Variants in SLC23A2 observed in about 807,000 individuals in gnomAD.
SLC23A2 encodes Na(+)/L-ascorbic acid transporter 2.
In SLC23A2, 36 loss-of-function variants were observed where a neutral mutation model predicts 73.3. The observed-to-expected ratio is 0.49, with a 90% CI of 0.38 to 0.65. The LOEUF (loss-of-function observed/expected upper bound fraction) is 0.65, where lower values mean the gene tolerates loss of function less well. SLC23A2 is among the 30% of genes least tolerant of loss of function. The probability of loss-of-function intolerance (pLI) is 0.00; values close to 1 mark genes in which losing one functional copy is unlikely to be tolerated. For missense variants in SLC23A2, 507 were observed against 841.6 expected (o/e 0.60, Z 4.92); for synonymous variants, 343 against 327.3 (o/e 1.05, Z -0.52).
chr20:4,953,038 T>C lies in SLC23A2; in HGVS notation c.-155+17755A>G, dbSNP rs1012548975. 3.4e-5 allele frequency among the ~76,000 whole-genome samples: 5 copies of C among 147,698 alleles called. No homozygotes were observed. In the Admixed American group the frequency reaches 3.4e-4, roughly 10 times the overall value. On this transcript the variant is annotated intron_variant, in intron 2 of 16. Transcript: ENST00000338244. ...ACTCAAAAAAAAAGGCCTGGCGCGG[T>C]GACTCATGCCTGTAATCCCAGCACT...
chr20:4,888,683 T>C (rs1931198246), intron 6 of SLC23A2, among the ~76,000 whole-genome samples: 1 of 152,212 alleles, frequency 6.6e-6, no homozygotes, highest in South Asian at 2.1e-4. Flanking sequence ...AGCTCCTTCA[T>C]ACGAGTTCAT....
intron 1 of SLC23A2, among the ~76,000 whole-genome samples, chr20:4,982,874 G>A (rs969917578): frequency 6.6e-6 from 1 of 152,132 alleles, no homozygotes; most frequent in African/African-American, 2.4e-5. Context: ...GGGAGGCCGA[G>A]GCAGGCAGAT....
At position 4,872,764 on chromosome 20, in the gene SLC23A2, CTT is replaced by C. The variant is rs35350494; in HGVS notation, c.1102+1170_1102+1171del. 6.6e-6 allele frequency among the ~76,000 whole-genome samples: 1 copy of C among 150,432 alleles called. No homozygotes were observed. The highest frequency in any genetic ancestry group is 1.5e-5 in the Non-Finnish European group (1 of 67,474). The stretch of plus-strand genomic sequence containing the variant: ...AGAAAGTTATTTTAGAAAGATGAAA[CTT>C]TTTTTTTTGAGACAGTCTTGCTCTG... On this transcript the variant is annotated intron_variant, in intron 11 of 16. Coordinates refer to ENST00000338244, the MANE Select transcript of SLC23A2 (RefSeq NM_005116.6). This position sits in a 1 kb window ranked among gnomAD's most constrained non-coding sequence, Gnocchi z 4.4.
chr20:4,885,898 A>G lies in SLC23A2; in HGVS notation c.494T>C (p.Phe165Ser), dbSNP rs1382077688. The G allele has an allele frequency of 6.2e-7, 1 of 1,612,704 alleles. No individual in the cohort carries two copies. Among genetic ancestry groups the G allele is most frequent in the Non-Finnish European group, 8.5e-7 (1 of 1,179,022 alleles). Residue 165 changes from phenylalanine (F) to serine (S), a missense_variant, in exon 7 of 17, where the codon TTT becomes TCT. Around this residue, in one of 5 missense-constraint regions of SLC23A2, gnomAD observed 217 missense variants for 398.0 expected, o/e 0.55. Coordinates refer to ENST00000338244, the MANE Select transcript of SLC23A2 (RefSeq NM_005116.6). ...QTTFGCRLPL[F>S]QASAFAFLAP... The stretch of plus-strand genomic sequence containing the variant: ...CAAAAATGCAAAAGCACTGGCCTGA[A>G]ACAGGGGTAACCTAAAAGAAACGAG...
chr20:4,960,646 G>A (rs1173192501), intron 2 of SLC23A2, among the ~76,000 whole-genome samples: 2 of 152,150 alleles, frequency 1.3e-5, no homozygotes, highest in Non-Finnish European at 2.9e-5. Flanking sequence ...TTTAAATCAC[G>A]CAATCATTAT....
rs895496870 is a variant in SLC23A2 at position 4,912,962 on chromosome 20, C to A, written c.125G>T (p.Gly42Val). ...FFTLPVVING[G>V]ATSSGEQDNE... is the part of the protein sequence containing the mutation. The stretch of plus-strand genomic sequence containing the variant: ...GTCCTGCTCACCGCTGGAGGTGGCG[C>A]CTCCATTTATCACCACCTGCAGAGA... Residue 42 changes from glycine to valine, a missense_variant, in exon 4 of 17, where the codon GGC (glycine) becomes GTC (valine). Coordinates refer to ENST00000338244, the MANE Select transcript of SLC23A2 (RefSeq NM_005116.6). 2.4e-5 allele frequency: 39 copies of A among 1,610,932 alleles called. No homozygotes were observed. The highest frequency in any genetic ancestry group is 2.9e-5 in the Non-Finnish European group (34 of 1,177,772).
At chr20:4,961,306 CT>C (rs1427034567) in intron 2 of SLC23A2, among the ~76,000 whole-genome samples, 1 of 152,006 alleles carries the variant, frequency 6.6e-6, no homozygotes, top group Non-Finnish European at 1.5e-5. Context: ...TGGTCTCGAT[CT>C]CCCTGACCTC....
rs981122233 is a variant in SLC23A2, at chr20:4,872,886, C to G, written c.1102+1050G>C. On this transcript the variant is annotated intron_variant, in intron 11 of 16. Transcript: ENST00000338244. This position sits in a 1 kb window ranked among gnomAD's most constrained non-coding sequence, Gnocchi z 4.4. ...TCTCCTGCCTCAGCCTCCCGAGTAG[C>G]TGGAATTACAGACACCCGTCATCAG... is the stretch of plus-strand genomic sequence containing the variant. Among the ~76,000 whole-genome samples, 5 of 152,044 alleles carry G rather than the reference C, an allele frequency of 3.3e-5. No homozygotes were observed. Among genetic ancestry groups the G allele is most frequent in the Admixed American group, 6.6e-5 (1 of 15,260 alleles).
intron 2 of SLC23A2, among the ~76,000 whole-genome samples, chr20:4,934,861 T>TA (rs536874890): frequency 0.022 from 3,030 of 138,032 alleles, 61 homozygotes; most frequent in Non-Finnish European, 0.031. Context: ...AGACTCTGTC[T>TA]AAAAAAAAAA....
Position 4,857,175 on chromosome 20 carries a change from A to G in SLC23A2, c.1750T>C (p.Trp584Arg). The change falls in exon 17 of 17, where the codon TGG becomes CGG. Residue 584 changes from tryptophan to arginine, a missense_variant. By Grantham distance (101) the Trp-to-Arg change is moderately radical. This residue lies in a region of SLC23A2 where 168 missense variants were observed against 302.3 expected (regional missense o/e 0.56). Transcript: ENST00000338244. The surrounding 1 kb of genome is among the most constrained non-coding windows in gnomAD (Gnocchi z 4.0). ...GTPEERGIRK[W>R]KKGVGKGNKS... ...TTCCCTTTGCCCACACCCTTCTTCC[A>G]TTTCCGGATTCCTCTTTCCTCTGGA... is the stretch of plus-strand genomic sequence containing the variant. 1.2e-6 allele frequency: 2 copies of G among 1,609,152 alleles called. No individual in the cohort carries two copies. Among genetic ancestry groups the G allele is most frequent in the Non-Finnish European group, 1.7e-6 (2 of 1,176,640 alleles).
rs560185164 is a variant in SLC23A2, at chr20:4,899,692, G to A, written c.345C>T (p.Ser115=). Residue 115 remains serine, a synonymous_variant, in exon 6 of 17, where the codon AGC becomes AGT. Coordinates refer to ENST00000338244, the MANE Select transcript of SLC23A2 (RefSeq NM_005116.6). This position sits in a 1 kb window ranked among gnomAD's most constrained non-coding sequence, Gnocchi z 4.9. The part of the protein sequence containing the change: ...LGLQHYLTCF[S]GTIAVPFLLA... ...ACAGGAAGGGCACTGCGATCGTGCC[G>A]CTGAAGCATGTCAGGTAGTGCTGTG... is the stretch of plus-strand genomic sequence containing the variant. 1.3e-4 allele frequency: 202 copies of A among 1,614,140 alleles called. 1 individual carries two copies. The Admixed American group carries it at 1.6e-3, about 13-fold the overall frequency.
chr20:4,943,968 G>A lies in SLC23A2; in HGVS notation c.-154-11252C>T, dbSNP rs535451645. Among the ~76,000 whole-genome samples, 16 of 152,250 alleles carry A rather than the reference G, an allele frequency of 1.1e-4. 1 individual carries two copies. In the South Asian group the frequency reaches 2.5e-3, roughly 24 times the overall value. ...AAAGACAAACCATTCTACGGGAAGC[G>A]GAGAGTGGTTACCTAGGGCAAGAAT... On this transcript the variant is annotated intron_variant, in intron 2 of 16. Transcript: ENST00000338244.
chr20:4,937,912 G>A, intron 2 of SLC23A2, among the ~76,000 whole-genome samples: 1 of 151,918 alleles, frequency 6.6e-6, no homozygotes, highest in South Asian at 2.1e-4. Context: ...ACCCTCCTTG[G>A]ACTAGGAACT....
intron 3 of SLC23A2, among the ~76,000 whole-genome samples, chr20:4,930,558 C>T (rs1053237212): frequency 6.6e-6 from 1 of 152,146 alleles, no homozygotes; most frequent in African/African-American, 2.4e-5. Context: ...GTGGCTCACA[C>T]CTGTAATCCC....
intron 2 of SLC23A2, among the ~76,000 whole-genome samples, chr20:4,940,605 A>G (rs1372083340): frequency 6.6e-6 from 1 of 152,208 alleles, no homozygotes; most frequent in Non-Finnish European, 1.5e-5. Context: ...TAACATTGTT[A>G]AGAAAGCACA....
chr20:4,873,593 T>C (rs1930536892), intron 11 of SLC23A2, among the ~76,000 whole-genome samples: 2 of 152,234 alleles, frequency 1.3e-5, no homozygotes, highest in South Asian at 4.1e-4. Context: ...CTTTGGCAGC[T>C]CTGGGACCAA....
In SLC23A2 at chr20:4,853,719, G is replaced by T. The variant is rs1381500911; in HGVS notation, c.*3253C>A. Reference sequence around the variant, plus strand: ...TAAAGCAAAACCTCTGTGCGAATTTGTTACCATGAAAACGGGAAACCATCA... The same window carrying T: ...TAAAGCAAAACCTCTGTGCGAATTTTTTACCATGAAAACGGGAAACCATCA... On this transcript the variant is annotated 3_prime_UTR_variant, in exon 17 of 17. Transcript: ENST00000338244. 1 of 152,572 alleles carries T rather than the reference G, an allele frequency of 6.6e-6. No individual in the cohort carries two copies. The highest frequency in any genetic ancestry group is 2.4e-5 in the African/African-American group (1 of 41,442). 9.5% of individuals were successfully genotyped at this position (152,572 alleles called of 1,614,324 possible).
Position 4,969,580 on chromosome 20 carries a change from CTT to C in SLC23A2, c.-155+1211_-155+1212del, listed in dbSNP as rs1201990553. Reference sequence around the variant, plus strand: ...ACAAGTCAATGTATCTGACAGCATCCTTTTTTTTTTTTTTTTTTTCTTGAGGC... The same window carrying C: ...ACAAGTCAATGTATCTGACAGCATCCTTTTTTTTTTTTTTTTTCTTGAGGC... On this transcript the variant is annotated intron_variant, in intron 2 of 16. Coordinates refer to ENST00000338244, the MANE Select transcript of SLC23A2 (RefSeq NM_005116.6). Among the ~76,000 whole-genome samples the C allele has an allele frequency of 6.6e-3, 910 of 137,274 alleles. 31 individuals are homozygous for C. In the South Asian group the frequency reaches 0.13, roughly 19 times the overall value. The allele number at this position is 137,274 out of a possible 152,430, so 90.1% of individuals were successfully genotyped here.
At chr20:4,909,947 A>G (rs1193501952) in intron 4 of SLC23A2, among the ~76,000 whole-genome samples, 1 of 152,244 alleles carries the variant, frequency 6.6e-6, no homozygotes, top group East Asian at 1.9e-4. Flanking sequence ...GATAATTGCA[A>G]CTAAGCATTT....
Sources: allele counts gnomAD v4.1 joint callset (sites outside exome capture counted in the v4.1 genomes callset), GRCh38; gene constraint gnomAD v4.1.1; regional missense constraint gnomAD v4.1.1; non-coding constraint Gnocchi (gnomAD v3.1); transcripts MANE v1.5; gene names NCBI Gene and HGNC (gene_info 2026-07-23, HGNC 2026-07-21).